FRAT1: variants seen among roughly 807,000 people sequenced by gnomAD.
FRAT1 encodes the protein FRAT regulator of Wnt signaling pathway 1.
Under a neutral mutation model 16.9 loss-of-function variants are expected in FRAT1, and 9 were observed. The ratio of observed to expected loss-of-function variants is 0.53; its 90% confidence interval spans 0.32 to 0.93. The LOEUF (loss-of-function observed/expected upper bound fraction) is 0.93. Ranked by LOEUF, FRAT1 falls within the 40% of genes least tolerant of loss-of-function variation. The pLI, the probability that FRAT1 is intolerant of heterozygous loss-of-function variation, is 0.04. For synonymous variants in FRAT1, 191 were observed against 202.1 expected, an observed-to-expected ratio of 0.95 and a Z score of 0.46; for missense variants, 354 against 402.8, an observed-to-expected ratio of 0.88 and a Z score of 1.04.
rs887199968 is a variant in FRAT1, at chr10:97,319,314, C to A, written c.-140C>A. ...GCGCGCGGCTAGAGTGCCTGGCGGG[C>A]TCCGGCTTCCGCGTCCGCCCCGGCC... On this transcript the variant is annotated 5_prime_UTR_variant, in exon 1 of 1. Coordinates refer to ENST00000371021, the MANE Select transcript of FRAT1 (RefSeq NM_005479.4). The A allele has an allele frequency of 1.7e-6, 2 of 1,147,456 alleles. No homozygotes were observed. Among genetic ancestry groups the A allele is most frequent in the Non-Finnish European group, 2.2e-6 (2 of 911,038 alleles). The allele number at this position is 1,147,456 out of a possible 1,614,324, so 71.1% of individuals were successfully genotyped here. A position where few individuals can be genotyped will look rare whatever the true frequency, so the allele number is the denominator to read the frequency against.
At position 97,320,371 on chromosome 10, in the gene FRAT1, C is replaced by T. The variant is rs1278445404; in HGVS notation, c.*78C>T. 4 of 1,287,238 alleles carry T rather than the reference C, an allele frequency of 3.1e-6. No individual in the cohort carries two copies. In the East Asian group the frequency reaches 7.9e-5, roughly 25 times the overall value. 79.7% of individuals were successfully genotyped at this position (1,287,238 alleles called of 1,614,324 possible). A position where few individuals can be genotyped will look rare whatever the true frequency, so the allele number is the denominator to read the frequency against. Reference sequence around the variant, plus strand: ...CTTGAGGGCTGCAGTTCTACTCAGGCTGGTGGAGAACTCTGGCTTTTGGAA... The same window carrying T: ...CTTGAGGGCTGCAGTTCTACTCAGGTTGGTGGAGAACTCTGGCTTTTGGAA... On this transcript the variant is annotated 3_prime_UTR_variant, in exon 1 of 1. Coordinates refer to ENST00000371021, the MANE Select transcript of FRAT1 (RefSeq NM_005479.4).
chr10:97,319,953 C>T lies in FRAT1; in HGVS notation c.500C>T (p.Pro167Leu), dbSNP rs926894366. ...GGCATCCCGCAGCCGCTGTCGGGTC[C>T]GTGCCGGCGAGGATGGCTCCGGGGC... ...KQGIPQPLSG[P>L]CRRGWLRGAA... is the part of the protein sequence containing the mutation. The change falls in exon 1 of 1, where the codon CCG (proline) becomes CTG (leucine). Residue 167 changes from proline (P) to leucine (L), a missense_variant. Transcript: ENST00000371021. 1 of 1,538,040 alleles carries T rather than the reference C, an allele frequency of 6.5e-7. No individual in the cohort carries two copies. Among genetic ancestry groups the T allele is most frequent in the Non-Finnish European group, 8.7e-7 (1 of 1,145,808 alleles).
rs928599992 is a variant in FRAT1 at position 97,321,294 on chromosome 10, C to T, written c.*1001C>T. The T allele has an allele frequency of 6.0e-6, 1 of 167,010 alleles. No homozygotes were observed. The highest frequency in any genetic ancestry group is 2.4e-5 in the African/African-American group (1 of 41,440). 10.3% of individuals were successfully genotyped at this position (167,010 alleles called of 1,614,324 possible). On this transcript the variant is annotated 3_prime_UTR_variant, in exon 1 of 1. Coordinates refer to ENST00000371021, the MANE Select transcript of FRAT1 (RefSeq NM_005479.4). ...TTTCACGGAAACTCCCGAGACCGGGCCCTGGGTTCCTCCTCTCCTACTCGG... is the reference window on the plus strand; with the variant it reads ...TTTCACGGAAACTCCCGAGACCGGGTCCTGGGTTCCTCCTCTCCTACTCGG...
chr10:97,321,558 G>A lies in FRAT1; in HGVS notation c.*1265G>A, dbSNP rs1338908220. ...CTTTGTAAGTGCAGGAAACCGAGTA[G>A]AAAATGTGACCCTCCAAATGGAGAA... On this transcript the variant is annotated 3_prime_UTR_variant, in exon 1 of 1. Coordinates refer to ENST00000371021, the MANE Select transcript of FRAT1 (RefSeq NM_005479.4). 1.2e-5 allele frequency: 2 copies of A among 167,258 alleles called. No homozygotes were observed. The highest frequency in any genetic ancestry group is 2.9e-5 in the Non-Finnish European group (2 of 68,226). 10.4% of individuals were successfully genotyped at this position (167,258 alleles called of 1,614,324 possible). A position where few individuals can be genotyped will look rare whatever the true frequency, so the allele number is the denominator to read the frequency against.
rs1212778063 is a variant in FRAT1, at chr10:97,319,751, G to A, written c.298G>A (p.Ala100Thr). The change falls in exon 1 of 1, where the codon GCG becomes ACG. Residue 100 changes from alanine to threonine, a missense_variant. This residue lies in a region of FRAT1 where 286 missense variants were observed against 311.0 expected (regional missense o/e 0.92). Transcript: ENST00000371021. ...GCCGCTGCTGCTGCCGCCCGCGTTGGCGGAGACTGTGGGCCCGGCGCCCCC... is the reference window on the plus strand; with the variant it reads ...GCCGCTGCTGCTGCCGCCCGCGTTGACGGAGACTGTGGGCCCGGCGCCCCC... Reference protein sequence around the residue: ...AVPLLLPPALAETVGPAPPGV... With the variant: ...AVPLLLPPALTETVGPAPPGV... The A allele has an allele frequency of 3.3e-6, 4 of 1,217,954 alleles. No individual in the cohort carries two copies. Among genetic ancestry groups the A allele is most frequent in the Non-Finnish European group, 4.1e-6 (4 of 981,048 alleles). 75.4% of individuals were successfully genotyped at this position (1,217,954 alleles called of 1,614,324 possible).
Position 97,320,615 on chromosome 10 carries a change from C to G in FRAT1, c.*322C>G, listed in dbSNP as rs1016275063. The G allele has an allele frequency of 3.1e-6, 1 of 323,058 alleles. No individual in the cohort carries two copies. The highest frequency in any genetic ancestry group is 2.2e-5 in the African/African-American group (1 of 45,946). The allele number at this position is 323,058 out of a possible 1,614,324, so 20.0% of individuals were successfully genotyped here. ...TTTCCTCGCAGCCTCTCAGTGCCCTCCAGCCCCGCGACCATGTGGCCACAA... is the reference window on the plus strand; with the variant it reads ...TTTCCTCGCAGCCTCTCAGTGCCCTGCAGCCCCGCGACCATGTGGCCACAA... On this transcript the variant is annotated 3_prime_UTR_variant, in exon 1 of 1. Transcript: ENST00000371021.
Position 97,319,958 on chromosome 10 carries a change from C to A in FRAT1, c.505C>A (p.Arg169=). 6.5e-7 allele frequency: 1 copy of A among 1,539,794 alleles called. No individual in the cohort carries two copies. The highest frequency in any genetic ancestry group is 1.2e-5 in the South Asian group (1 of 84,052). ...GIPQPLSGPC[R]RGWLRGAAAS... is the part of the protein sequence containing the mutation. ...CCCGCAGCCGCTGTCGGGTCCGTGC[C>A]GGCGAGGATGGCTCCGGGGCGCCGC... The change falls in exon 1 of 1, where the codon CGG becomes AGG. Residue 169 remains arginine, a synonymous_variant. Coordinates refer to ENST00000371021, the MANE Select transcript of FRAT1 (RefSeq NM_005479.4).
In FRAT1 at chr10:97,319,769, G is replaced by T; in HGVS notation, c.316G>T (p.Ala106Ser). 3 of 1,238,472 alleles carry T rather than the reference G, an allele frequency of 2.4e-6. No homozygotes were observed. The highest frequency in any genetic ancestry group is 3.0e-6 in the Non-Finnish European group (3 of 994,528). The allele number at this position is 1,238,472 out of a possible 1,614,324, so 76.7% of individuals were successfully genotyped here. The change falls in exon 1 of 1, where the codon GCG becomes TCG. Residue 106 changes from alanine to serine, a missense_variant. Physicochemically the swap from Ala to Ser is moderately conservative, Grantham distance 99 (BLOSUM62 1). Around this residue, in one of 3 missense-constraint regions of FRAT1, gnomAD observed 286 missense variants for 311.0 expected, o/e 0.92. Transcript: ENST00000371021. ...PPALAETVGP[A>S]PPGVLRCALG... ...CGCGTTGGCGGAGACTGTGGGCCCG[G>T]CGCCCCCTGGGGTCCTGCGCTGCGC...
Position 97,319,952 on chromosome 10 carries a change from C to A in FRAT1, c.499C>A (p.Pro167Thr). 6.5e-7 allele frequency: 1 copy of A among 1,538,322 alleles called. No individual in the cohort carries two copies. Among genetic ancestry groups the A allele is most frequent in the Non-Finnish European group, 8.7e-7 (1 of 1,145,900 alleles). ...GGGCATCCCGCAGCCGCTGTCGGGTCCGTGCCGGCGAGGATGGCTCCGGGG... is the reference window on the plus strand; with the variant it reads ...GGGCATCCCGCAGCCGCTGTCGGGTACGTGCCGGCGAGGATGGCTCCGGGG... ...KQGIPQPLSG[P>T]CRRGWLRGAA... is the part of the protein sequence containing the mutation. Residue 167 changes from proline to threonine, a missense_variant, in exon 1 of 1, where the codon CCG (proline) becomes ACG (threonine). By Grantham distance (38) the Pro-to-Thr change is conservative (BLOSUM62 -1). This residue lies in a region of FRAT1 where 286 missense variants were observed against 311.0 expected (regional missense o/e 0.92). Coordinates refer to ENST00000371021, the MANE Select transcript of FRAT1 (RefSeq NM_005479.4).
In FRAT1 at chr10:97,319,639, G is replaced by A. The variant is rs1843439446; in HGVS notation, c.186G>A (p.Ser62=). The change falls in exon 1 of 1, where the codon TCG becomes TCA. Residue 62 remains serine, a synonymous_variant. Coordinates refer to ENST00000371021, the MANE Select transcript of FRAT1 (RefSeq NM_005479.4). Reference sequence around the variant, plus strand: ...ACGCGGCGCAGCACAGCCCGGCCTCGCCGTGCGGGCCCCCGGGGGCGCCGC... The same window carrying A: ...ACGCGGCGCAGCACAGCCCGGCCTCACCGTGCGGGCCCCCGGGGGCGCCGC... ...QLDAAQHSPA[S]PCGPPGAPLR... 4.0e-6 allele frequency: 5 copies of A among 1,246,620 alleles called. No individual in the cohort carries two copies. The highest frequency in any genetic ancestry group is 6.5e-5 in the East Asian group (2 of 30,746). The allele number at this position is 1,246,620 out of a possible 1,614,324, so 77.2% of individuals were successfully genotyped here.
rs1229874609 is a variant in FRAT1, at chr10:97,320,166, G to A, written c.713G>A (p.Gly238Glu). Residue 238 changes from glycine to glutamate, a missense_variant, in exon 1 of 1, where the codon GGA becomes GAA. Gly to Glu is a moderately conservative substitution (Grantham distance 98). Coordinates refer to ENST00000371021, the MANE Select transcript of FRAT1 (RefSeq NM_005479.4). Reference protein sequence around the residue: ...RAKLPQRPLLGPLSAPVHEPP... With the variant: ...RAKLPQRPLLEPLSAPVHEPP... ...AAGCTTCCCCAACGCCCGCTCCTGG[G>A]ACCTCTGTCGGCCCCGGTGCATGAA... 2 of 1,612,600 alleles carry A rather than the reference G, an allele frequency of 1.2e-6. No individual in the cohort carries two copies. The highest frequency in any genetic ancestry group is 1.3e-5 in the African/African-American group (1 of 74,838).
rs1274569355 is a variant in FRAT1, at chr10:97,320,181, C to T, written c.728C>T (p.Pro243Leu). The change falls in exon 1 of 1, where the codon CCG (proline) becomes CTG (leucine). Residue 243 changes from proline to leucine, a missense_variant. Pro to Leu is a moderately conservative substitution (Grantham distance 98, BLOSUM62 -3). This residue lies in a region of FRAT1 where 286 missense variants were observed against 311.0 expected (regional missense o/e 0.92). Coordinates refer to ENST00000371021, the MANE Select transcript of FRAT1 (RefSeq NM_005479.4). ...CCGCTCCTGGGACCTCTGTCGGCCC[C>T]GGTGCATGAACCCCCTTCGCCTCGC... ...QRPLLGPLSA[P>L]VHEPPSPRSP... The T allele has an allele frequency of 6.2e-7, 1 of 1,612,436 alleles. No homozygotes were observed. Among genetic ancestry groups the T allele is most frequent in the South Asian group, 1.1e-5 (1 of 90,808 alleles).
At position 97,319,297 on chromosome 10, in the gene FRAT1, C is replaced by A. The variant is rs1432179617; in HGVS notation, c.-157C>A. ...GGCTCCCGCGGCTGCAGGCGCGCGG[C>A]TAGAGTGCCTGGCGGGCTCCGGCTT... On this transcript the variant is annotated 5_prime_UTR_variant, in exon 1 of 1. Transcript: ENST00000371021. 56 of 1,008,340 alleles carry A rather than the reference C, an allele frequency of 5.6e-5. No individual in the cohort carries two copies. The highest frequency in any genetic ancestry group is 6.7e-5 in the Non-Finnish European group (53 of 785,626). 62.5% of individuals were successfully genotyped at this position (1,008,340 alleles called of 1,614,324 possible). A position where few individuals can be genotyped will look rare whatever the true frequency, so the allele number is the denominator to read the frequency against.
Position 97,319,692 on chromosome 10 carries a change from C to T in FRAT1, c.239C>T (p.Ala80Val). Residue 80 changes from alanine (A) to valine (V), a missense_variant, in exon 1 of 1, where the codon GCG becomes GTG. By Grantham distance (64) the Ala-to-Val change is moderately conservative (BLOSUM62 0). Coordinates refer to ENST00000371021, the MANE Select transcript of FRAT1 (RefSeq NM_005479.4). ...PLRAPGPLAA[A>V]VPADKARSPA... ...CGGGCCCCGGGGCCCCTGGCTGCGG[C>T]GGTGCCGGCGGACAAGGCCAGGTCC... The T allele has an allele frequency of 8.5e-7, 1 of 1,170,152 alleles. No individual in the cohort carries two copies. The highest frequency in any genetic ancestry group is 1.1e-6 in the Non-Finnish European group (1 of 949,818). The allele number at this position is 1,170,152 out of a possible 1,614,324, so 72.5% of individuals were successfully genotyped here.
At position 97,320,499 on chromosome 10, in the gene FRAT1, A is replaced by C. The variant is rs1480226280; in HGVS notation, c.*206A>C. ...ATTTGGAATGAAGGACTTTGGCCCT[A>C]TTTAAGGCAGATTTTACAGAGCGCA... On this transcript the variant is annotated 3_prime_UTR_variant, in exon 1 of 1. Transcript: ENST00000371021. 5.2e-6 allele frequency: 3 copies of C among 579,646 alleles called. No homozygotes were observed. Among genetic ancestry groups the C allele is most frequent in the East Asian group, 6.1e-5 (2 of 32,562 alleles). The allele number at this position is 579,646 out of a possible 1,614,324, so 35.9% of individuals were successfully genotyped here.
At position 97,320,587 on chromosome 10, in the gene FRAT1, G is replaced by C. The variant is rs747450352; in HGVS notation, c.*294G>C. ...GTGACCCGACCTGGCCGCGGAGCCT[G>C]CATTTCCTCGCAGCCTCTCAGTGCC... On this transcript the variant is annotated 3_prime_UTR_variant, in exon 1 of 1. Coordinates refer to ENST00000371021, the MANE Select transcript of FRAT1 (RefSeq NM_005479.4). 102 of 379,246 alleles carry C rather than the reference G, an allele frequency of 2.7e-4. No individual in the cohort carries two copies. The highest frequency in any genetic ancestry group is 4.7e-4 in the Non-Finnish European group (97 of 204,408). 23.5% of individuals were successfully genotyped at this position (379,246 alleles called of 1,614,324 possible).
rs1183532551 is a variant in FRAT1 at position 97,319,658 on chromosome 10, G to A, written c.205G>A (p.Ala69Thr). ...SPASPCGPPG[A>T]PLRAPGPLAA... ...GGCCTCGCCGTGCGGGCCCCCGGGG[G>A]CGCCGCTGCGGGCCCCGGGGCCCCT... is the stretch of plus-strand genomic sequence containing the variant. Residue 69 changes from alanine to threonine, a missense_variant, in exon 1 of 1, where the codon GCG becomes ACG. Transcript: ENST00000371021. 3.8e-5 allele frequency: 46 copies of A among 1,205,808 alleles called. No individual in the cohort carries two copies. The highest frequency in any genetic ancestry group is 4.5e-5 in the Admixed American group (1 of 22,450). 74.7% of individuals were successfully genotyped at this position (1,205,808 alleles called of 1,614,324 possible). A position where few individuals can be genotyped will look rare whatever the true frequency, so the allele number is the denominator to read the frequency against.
At position 97,319,754 on chromosome 10, in the gene FRAT1, G is replaced by C. The variant is rs1482440186; in HGVS notation, c.301G>C (p.Glu101Gln). ...GCTGCTGCTGCCGCCCGCGTTGGCG[G>C]AGACTGTGGGCCCGGCGCCCCCTGG... ...VPLLLPPALA[E>Q]TVGPAPPGVL... Residue 101 changes from glutamate to glutamine, a missense_variant, in exon 1 of 1, where the codon GAG (glutamate) becomes CAG (glutamine). Coordinates refer to ENST00000371021, the MANE Select transcript of FRAT1 (RefSeq NM_005479.4). 1 of 1,219,796 alleles carries C rather than the reference G, an allele frequency of 8.2e-7. No homozygotes were observed. Among genetic ancestry groups the C allele is most frequent in the Non-Finnish European group, 1.0e-6 (1 of 982,250 alleles). 75.6% of individuals were successfully genotyped at this position (1,219,796 alleles called of 1,614,324 possible).
rs1843443337 is a variant in FRAT1, at chr10:97,319,871, C to T, written c.418C>T (p.Leu140=). The change falls in exon 1 of 1, where the codon CTG becomes TTG. Residue 140 remains leucine, a synonymous_variant. Transcript: ENST00000371021. ...CGAGCTCGCCACAGGCCCCAGCGCG[C>T]TGTCCCCACTGCCCCCTCAGGCCGA... The part of the protein sequence containing the change: ...VAELATGPSA[L]SPLPPQADLD... The T allele has an allele frequency of 1.3e-6, 2 of 1,521,706 alleles. No individual in the cohort carries two copies. The highest frequency in any genetic ancestry group is 2.0e-5 in the Admixed American group (1 of 49,388). The allele number at this position is 1,521,706 out of a possible 1,614,324, so 94.3% of individuals were successfully genotyped here. A position where few individuals can be genotyped will look rare whatever the true frequency, so the allele number is the denominator to read the frequency against.
Sources: gnomAD v4.1 joint callset for allele counts on GRCh38, gnomAD v4.1.1 for gene constraint, gnomAD v4.1.1 regional missense constraint, MANE v1.5 for transcripts, NCBI Gene and HGNC (gene_info 2026-07-23, HGNC 2026-07-21) for gene names.